SLC22A16: variants seen among roughly 807,000 people sequenced by gnomAD.
SLC22A16 encodes solute carrier family 22 member 16, also known as WUGSC:RG331P03.1.
SLC22A16 carries 53 observed loss-of-function variants against 52.9 expected under a neutral mutation model. The observed-to-expected ratio is 1.00, with a 90% CI of 0.80 to 1.26. The LOEUF is 1.26. Ranked by LOEUF, SLC22A16 falls within the 50% of genes most tolerant of loss-of-function variation. The pLI, the probability that SLC22A16 is intolerant of heterozygous loss-of-function variation, is 0.00. For missense variants in SLC22A16, 726 were observed against 704.0 expected (o/e 1.03, Z -0.35); for synonymous variants, 291 against 268.8 (o/e 1.08, Z -0.81).
intron 2 of SLC22A16, among the ~76,000 whole-genome samples, chr6:110,455,029 C>G (rs2114985257): frequency 8.4e-6 from 1 of 118,858 alleles, no homozygotes. Context: ...TATATAATTT[C>G]ACTAATATAT....
intron 3 of SLC22A16, among the ~76,000 whole-genome samples, chr6:110,444,582 T>C (rs1242723763): frequency 6.6e-6 from 1 of 152,212 alleles, no homozygotes; most frequent in African/African-American, 2.4e-5. Context: ...TTTGTAAACA[T>C]GTGTCCCTTG....
chr6:110,428,904 A>G (rs1774384163), intron 7 of SLC22A16, among the ~76,000 whole-genome samples: 1 of 152,210 alleles, frequency 6.6e-6, no homozygotes, highest in African/African-American at 2.4e-5. Context: ...TGGTCGACAG[A>G]GCAAGACTCT....
intron 3 of SLC22A16, among the ~76,000 whole-genome samples, chr6:110,445,184 G>T (rs547069674): frequency 2.0e-4 from 31 of 151,988 alleles, no homozygotes; most frequent in African/African-American, 7.0e-4. Context: ...CCACCTAACC[G>T]CCTTGATCCC....
At position 110,476,541 on chromosome 6, in the gene SLC22A16, G is replaced by A; in HGVS notation, c.34C>T (p.His12Tyr). 6.5e-7 allele frequency: 1 copy of A among 1,531,818 alleles called. No homozygotes were observed. Among genetic ancestry groups the A allele is most frequent in the Non-Finnish European group, 8.7e-7 (1 of 1,144,016 alleles). 94.9% of individuals were successfully genotyped at this position (1,531,818 alleles called of 1,614,324 possible). The change falls in exon 1 of 8, where the codon CAC becomes TAC. Residue 12 changes from histidine (H) to tyrosine (Y), a missense_variant. Transcript: ENST00000368919. ...GSRHFEGIYD[H>Y]VGHFGRFQRV... ...CCATACCTGCCGAAGTGCCCCACGT[G>A]GTCATAAATCCCCTCGAAGTGGCGG...
At chr6:110,430,746 T>C (rs1420259689) in intron 7 of SLC22A16, among the ~76,000 whole-genome samples, 1 of 152,214 alleles carries the variant, frequency 6.6e-6, no homozygotes, top group Non-Finnish European at 1.5e-5. Flanking sequence ...TGCTCTCCAT[T>C]AGGCATCACA....
intron 1 of SLC22A16, among the ~76,000 whole-genome samples, chr6:110,466,301 A>G (rs1776059008): frequency 3.9e-5 from 6 of 152,232 alleles, no homozygotes. Context: ...AATTAATTCA[A>G]CTAAAAAGCT....
At chr6:110,467,141 GAGAC>G (rs1234588442) in intron 1 of SLC22A16, among the ~76,000 whole-genome samples, 1 of 152,116 alleles carries the variant, frequency 6.6e-6, no homozygotes, top group Admixed American at 6.5e-5. Context: ...CTCACATTTT[GAGAC>G]CTGCTGGTCT....
chr6:110,476,004 C>T (rs1322274017), intron 1 of SLC22A16: 1 of 456,124 alleles, frequency 2.2e-6, no homozygotes, highest in African/African-American at 2.0e-5. Context: ...GTACAGTGTA[C>T]CTGGCACGTA....
At chr6:110,445,405 A>G (rs1255852881) in intron 3 of SLC22A16, among the ~76,000 whole-genome samples, 6 of 152,120 alleles carry the variant, frequency 3.9e-5, no homozygotes, top group African/African-American at 1.4e-4. Context: ...CATTTTATTT[A>G]TTTTTGAAGA....
At chr6:110,430,850 C>T (rs1774468478) in intron 7 of SLC22A16, among the ~76,000 whole-genome samples, 1 of 152,210 alleles carries the variant, frequency 6.6e-6, no homozygotes. Flanking sequence ...CGGGTGGGGG[C>T]AGATGCCCTG....
chr6:110,466,178 A>G (rs2115018374), intron 1 of SLC22A16, among the ~76,000 whole-genome samples: 1 of 152,324 alleles, frequency 6.6e-6, no homozygotes, highest in Non-Finnish European at 1.5e-5. Context: ...CTGACACTCA[A>G]AAAGTCCTAG....
chr6:110,444,264 C>T (rs576585888), intron 3 of SLC22A16, among the ~76,000 whole-genome samples: 2 of 151,968 alleles, frequency 1.3e-5, no homozygotes, highest in East Asian at 3.9e-4. Context: ...AGAATGAGTC[C>T]ATTGATGGGT....
intron 3 of SLC22A16, among the ~76,000 whole-genome samples, 186 bp downstream of exon 3, chr6:110,446,687 T>A (rs562103862): frequency 1.3e-5 from 2 of 152,262 alleles, no homozygotes; most frequent in Non-Finnish European, 2.9e-5. Flanking sequence ...AGCAACAATT[T>A]TTCACTTTAA....
intron 2 of SLC22A16, among the ~76,000 whole-genome samples, chr6:110,449,598 T>C (rs1775297677): frequency 6.6e-6 from 1 of 152,194 alleles, no homozygotes; most frequent in Non-Finnish European, 1.5e-5. Flanking sequence ...CCTTCTCTTC[T>C]AAAACTGCTC....
At chr6:110,461,442 A>G (rs904126927) in intron 1 of SLC22A16, among the ~76,000 whole-genome samples, 1 of 151,996 alleles carries the variant, frequency 6.6e-6, no homozygotes, top group Non-Finnish European at 1.5e-5. Flanking sequence ...AGACCTCAGA[A>G]CCCCCATCAA....
Position 110,438,286 on chromosome 6 carries a change from C to T in SLC22A16, c.1311+434G>A, listed in dbSNP as rs58348229. 1.8e-4 allele frequency among the ~76,000 whole-genome samples: 27 copies of T among 152,310 alleles called. No individual in the cohort carries two copies. In the East Asian group the frequency reaches 4.8e-3, roughly 27 times the overall value. On this transcript the variant is annotated intron_variant, in intron 5 of 7. Transcript: ENST00000368919. The stretch of plus-strand genomic sequence containing the variant: ...ATTATTGCGTTTACAAAATACAACA[C>T]TGGTCATCTCTGGGAATTAGGATTA...
chr6:110,427,260 A>AAAAAAG (rs538137410), intron 7 of SLC22A16, among the ~76,000 whole-genome samples: 28,772 of 137,540 alleles, frequency 0.21, 3,602 homozygotes, highest in East Asian at 0.34. Flanking sequence ...AAAAAAAAAA[A>AAAAAAG]AAAAGAAAAA....
Position 110,454,770 on chromosome 6 carries a change from AT to A in SLC22A16, c.533+1767del, listed in dbSNP as rs1236664244. Among the ~76,000 whole-genome samples the A allele has an allele frequency of 2.2e-4, 13 of 58,696 alleles. 1 individual carries two copies. The East Asian group carries it at 7.0e-3, about 31-fold the overall frequency. 38.5% of individuals were successfully genotyped at this position (58,696 alleles called of 152,430 possible). On this transcript the variant is annotated intron_variant, in intron 2 of 7. Coordinates refer to ENST00000368919, the MANE Select transcript of SLC22A16 (RefSeq NM_033125.4). ...TATATTATTATATACATTTATATATATAAATATATATAAATATATAAATATA... is the reference window on the plus strand; with the variant it reads ...TATATTATTATATACATTTATATATAAAATATATATAAATATATAAATATA...
chr6:110,428,013 G>A (rs745984872), intron 7 of SLC22A16, among the ~76,000 whole-genome samples: 40 of 152,166 alleles, frequency 2.6e-4, no homozygotes, highest in Admixed American at 2.5e-3. Context: ...CTCAGTCAAC[G>A]ATTGCCAAAT....
Sources: allele counts gnomAD v4.1 joint callset (sites outside exome capture counted in the v4.1 genomes callset), GRCh38; gene constraint gnomAD v4.1.1; transcripts MANE v1.5; gene names NCBI Gene and HGNC (gene_info 2026-07-23, HGNC 2026-07-21).